Variants in ATXN7L1 observed in about 807,000 individuals in gnomAD.
ATXN7L1 encodes ataxin 7 like 1.
ATXN7L1 carries 15 observed loss-of-function variants against 70.8 expected under a neutral mutation model. The observed-to-expected ratio is 0.21, with a 90% CI of 0.14 to 0.33. The LOEUF (loss-of-function observed/expected upper bound fraction) is 0.33, where lower values mean the gene tolerates loss of function less well. Ranked by LOEUF, ATXN7L1 falls within the 10% of genes least tolerant of loss-of-function variation. ATXN7L1 has a pLI of 1.00. For synonymous variants in ATXN7L1, 440 were observed against 445.1 expected (o/e 0.99, Z 0.14); for missense variants, 975 against 1,097.1 (o/e 0.89, Z 1.57).
chr7:105,641,278 G>A (rs892663435), intron 5 of ATXN7L1, among the ~76,000 whole-genome samples: 1 of 124,016 alleles, frequency 8.1e-6, no homozygotes, highest in Non-Finnish European at 1.6e-5. Context: ...GCTAGGCCTG[G>A]AGATGCTGGT....
At chr7:105,866,412 C>T (rs1817482199) in intron 2 of ATXN7L1, among the ~76,000 whole-genome samples, 1 of 152,164 alleles carries the variant, frequency 6.6e-6, no homozygotes, top group Non-Finnish European at 1.5e-5. Flanking sequence ...ACCACAGGTA[C>T]AAGGATAAAG....
chr7:105,757,578 A>ATTTT (rs34846815), intron 3 of ATXN7L1, among the ~76,000 whole-genome samples: 1 of 62,462 alleles, frequency 1.6e-5, no homozygotes, highest in Non-Finnish European at 3.1e-5. Flanking sequence ...ACCTTTCTGT[A>ATTTT]TTTTTTTTTT....
intron 2 of ATXN7L1, among the ~76,000 whole-genome samples, chr7:105,865,568 A>AT (rs998790665): frequency 6.6e-6 from 1 of 151,884 alleles, no homozygotes; most frequent in African/African-American, 2.4e-5. Context: ...TACCCAGCTA[A>AT]TTTTTTGTAT....
At chr7:105,733,696 ATCCATTCATCCAT>A (rs1796976917) in intron 3 of ATXN7L1, among the ~76,000 whole-genome samples, 1 of 149,676 alleles carries the variant, frequency 6.7e-6, no homozygotes. Flanking sequence ...CCACCCATCC[ATCCATTCATCCAT>A]CCACCCATCC....
intron 3 of ATXN7L1, among the ~76,000 whole-genome samples, chr7:105,725,903 CTT>C (rs34850752): frequency 4.4e-4 from 57 of 130,690 alleles, no homozygotes; most frequent in African/African-American, 4.1e-4. Flanking sequence ...TTCTTTCTTT[CTT>C]TTTTTTTTTT....
chr7:105,727,794 A>G (rs1249925275), intron 3 of ATXN7L1, among the ~76,000 whole-genome samples: 1 of 127,192 alleles, frequency 7.9e-6, no homozygotes, highest in African/African-American at 2.9e-5. Context: ...ACATACACAC[A>G]TATATATATG....
chr7:105,821,526 G>A lies in ATXN7L1; in HGVS notation c.251-32818C>T, dbSNP rs76877103. ...TTCCAGTTTTGTCCTGTTGAATGGC[G>A]TAGAAGATTGATTGTATGGGTATCA... On this transcript the variant is annotated intron_variant, in intron 2 of 11. Coordinates refer to ENST00000419735, the MANE Select transcript of ATXN7L1 (RefSeq NM_020725.2). 7.2e-3 allele frequency among the ~76,000 whole-genome samples: 1,092 copies of A among 152,304 alleles called. 57 individuals are homozygous for A. In the East Asian group the frequency reaches 0.13, roughly 17 times the overall value.
chr7:105,647,576 G>A (rs1451951416), intron 4 of ATXN7L1, among the ~76,000 whole-genome samples: 1 of 152,246 alleles, frequency 6.6e-6, no homozygotes, highest in Admixed American at 6.5e-5. Context: ...ATACCTGGGA[G>A]ACGGAGGTTG....
chr7:105,668,724 G>A (rs568071232), intron 3 of ATXN7L1, among the ~76,000 whole-genome samples: 27 of 152,108 alleles, frequency 1.8e-4, no homozygotes, highest in Non-Finnish European at 3.5e-4. Flanking sequence ...GCCTGGCCCC[G>A]GTTACTTACT....
chr7:105,655,842 C>A (rs35169189), intron 4 of ATXN7L1, among the ~76,000 whole-genome samples: 3 of 152,248 alleles, frequency 2.0e-5, no homozygotes, highest in African/African-American at 7.2e-5. Context: ...AGAGGAGCCC[C>A]GCCTACCTGG....
At chr7:105,677,469 C>T (rs976300982) in intron 3 of ATXN7L1, among the ~76,000 whole-genome samples, 1 of 152,188 alleles carries the variant, frequency 6.6e-6, no homozygotes, top group Non-Finnish European at 1.5e-5. Flanking sequence ...GTCTAAGTGT[C>T]CTGTGCCTGG....
At chr7:105,831,528 C>T (rs935521506) in intron 2 of ATXN7L1, among the ~76,000 whole-genome samples, 3 of 152,140 alleles carry the variant, frequency 2.0e-5, no homozygotes, top group Non-Finnish European at 4.4e-5. Context: ...CTCTGGGATG[C>T]TTTTTGTTAA....
chr7:105,661,178 G>T (rs1801546829), intron 4 of ATXN7L1, among the ~76,000 whole-genome samples: 2 of 152,172 alleles, frequency 1.3e-5, no homozygotes, highest in South Asian at 4.1e-4. Context: ...TTTCTAATTT[G>T]CACAAAGGTG....
chr7:105,668,851 T>C (rs1803065889), intron 3 of ATXN7L1, among the ~76,000 whole-genome samples: 1 of 152,050 alleles, frequency 6.6e-6, no homozygotes, highest in Non-Finnish European at 1.5e-5. Context: ...CTACAGCAAG[T>C]TGTGATTGTA....
At chr7:105,788,333 G>C in intron 3 of ATXN7L1, 1 of 375,142 alleles carries the variant, frequency 2.7e-6, no homozygotes, top group Non-Finnish European at 5.0e-6. Context: ...AGAGGCCATC[G>C]CTAGGCTGGG....
intron 2 of ATXN7L1, among the ~76,000 whole-genome samples, chr7:105,834,346 C>G (rs985403531): frequency 2.6e-5 from 4 of 152,188 alleles, no homozygotes; most frequent in Non-Finnish European, 5.9e-5. Context: ...CTGGCCTCAT[C>G]ATTGACTTTG....
chr7:105,797,184 C>G (rs1806119155), intron 2 of ATXN7L1, among the ~76,000 whole-genome samples: 2 of 152,248 alleles, frequency 1.3e-5, no homozygotes, highest in Non-Finnish European at 2.9e-5. Context: ...GCTAAAATGA[C>G]TCCTGGCCTC....
At chr7:105,656,572 C>G (rs1350461740) in intron 4 of ATXN7L1, among the ~76,000 whole-genome samples, 1 of 119,688 alleles carries the variant, frequency 8.4e-6, no homozygotes. Context: ...CTTTCTTCTT[C>G]TTCCTTTTTT....
chr7:105,797,857 T>C (rs990590489), intron 2 of ATXN7L1, among the ~76,000 whole-genome samples: 29 of 152,290 alleles, frequency 1.9e-4, no homozygotes, highest in African/African-American at 7.0e-4. Context: ...CAGACGGCAA[T>C]CTTCCGGAAG....
Sources: allele counts gnomAD v4.1 joint callset (sites outside exome capture counted in the v4.1 genomes callset), GRCh38; gene constraint gnomAD v4.1.1; transcripts MANE v1.5; gene names NCBI Gene and HGNC (gene_info 2026-07-23, HGNC 2026-07-21).